NSMCE2: variants seen among roughly 807,000 people sequenced by gnomAD.
NSMCE2 encodes the protein E3 SUMO-protein ligase NSE2.
Under a neutral mutation model 23.8 loss-of-function variants are expected in NSMCE2, and 24 were observed. That is an observed-to-expected ratio of 1.01 (90% CI 0.73 to 1.42). NSMCE2 has a LOEUF of 1.42. NSMCE2 is among the 40% of genes most tolerant of loss of function. The probability of loss-of-function intolerance (pLI) is 0.00; values close to 1 mark genes in which losing one functional copy is unlikely to be tolerated. For missense variants in NSMCE2, 284 were observed against 296.5 expected, an observed-to-expected ratio of 0.96 and a Z score of 0.31; for synonymous variants, 92 against 94.1, an observed-to-expected ratio of 0.98 and a Z score of 0.13.
chr8:125,125,116 C>T (rs1161054818), intron 3 of NSMCE2, among the ~76,000 whole-genome samples: 16 of 152,098 alleles, frequency 1.1e-4, no homozygotes, highest in Admixed American at 1.0e-3. Flanking sequence ...ATCATGTCAT[C>T]TGTGAATGGA....
intron 3 of NSMCE2, among the ~76,000 whole-genome samples, chr8:125,131,561 C>A (rs1009535117): frequency 6.6e-6 from 1 of 152,006 alleles, no homozygotes; most frequent in African/African-American, 2.4e-5. Flanking sequence ...CTTGCCCAGC[C>A]AACAGGTGCA....
intron 5 of NSMCE2, among the ~76,000 whole-genome samples, chr8:125,309,681 C>T (rs983049702): frequency 3.9e-5 from 6 of 151,968 alleles, no homozygotes; most frequent in South Asian, 4.2e-4. Flanking sequence ...GCTATGATCA[C>T]GCCAGTGCAC....
At chr8:125,116,571 C>T (rs558386153) in intron 3 of NSMCE2, among the ~76,000 whole-genome samples, 7 of 151,938 alleles carry the variant, frequency 4.6e-5, no homozygotes, top group African/African-American at 1.2e-4. Flanking sequence ...TCTGTGTGTG[C>T]GTGTGTGTGT....
intron 5 of NSMCE2, among the ~76,000 whole-genome samples, chr8:125,251,533 A>G (rs1455941433): frequency 1.3e-5 from 2 of 152,204 alleles, no homozygotes; most frequent in African/African-American, 2.4e-5. Context: ...ATGGGTAGAC[A>G]TGGAGTTTGA....
At chr8:125,312,090 A>AAAG (rs1554636334) in intron 5 of NSMCE2, among the ~76,000 whole-genome samples, 13 of 148,846 alleles carry the variant, frequency 8.7e-5, no homozygotes, top group Non-Finnish European at 1.8e-4. Context: ...AAAAAAAAAA[A>AAAG]AAAGAAAGAA....
chr8:125,359,522 G>A (rs1813436989), intron 7 of NSMCE2, among the ~76,000 whole-genome samples: 1 of 151,754 alleles, frequency 6.6e-6, no homozygotes, highest in African/African-American at 2.4e-5. Flanking sequence ...TAGTAGAGAT[G>A]GGGTTTCTCC....
At chr8:125,131,616 A>G (rs183984827) in intron 3 of NSMCE2, among the ~76,000 whole-genome samples, 7 of 152,242 alleles carry the variant, frequency 4.6e-5, no homozygotes, top group African/African-American at 1.4e-4. Context: ...GAAAAAAAAA[A>G]TGCTTGGAGA....
intron 7 of NSMCE2, among the ~76,000 whole-genome samples, chr8:125,366,165 C>G (rs1813782480): frequency 6.6e-6 from 1 of 152,162 alleles, no homozygotes; most frequent in Non-Finnish European, 1.5e-5. Flanking sequence ...TGCTTTGTTG[C>G]CCTCATAGCC....
At chr8:125,301,042 CTA>C (rs1055600791) in intron 5 of NSMCE2, among the ~76,000 whole-genome samples, 1 of 152,216 alleles carries the variant, frequency 6.6e-6, no homozygotes, top group Admixed American at 6.5e-5. Flanking sequence ...CAATCATTAA[CTA>C]TTTTTGTGAA....
chr8:125,256,958 AAG>A (rs1826457098), intron 5 of NSMCE2, among the ~76,000 whole-genome samples: 1 of 128,232 alleles, frequency 7.8e-6, no homozygotes, highest in African/African-American at 3.1e-5. Context: ...AAAAAAAAAA[AAG>A]AGGGCTGAAG....
chr8:125,255,962 T>C (rs1224998991), intron 5 of NSMCE2, among the ~76,000 whole-genome samples: 1 of 151,940 alleles, frequency 6.6e-6, no homozygotes, highest in Non-Finnish European at 1.5e-5. Flanking sequence ...AATAGGTGGT[T>C]TTAAAAAGAA....
intron 3 of NSMCE2, among the ~76,000 whole-genome samples, chr8:125,133,716 C>T (rs1251140296): frequency 1.3e-5 from 2 of 151,224 alleles, no homozygotes; most frequent in African/African-American, 2.4e-5. Context: ...GGCAACAGAG[C>T]GAGACTCCAT....
At chr8:125,161,449 C>T (rs1821622784) in intron 4 of NSMCE2, among the ~76,000 whole-genome samples, 1 of 151,926 alleles carries the variant, frequency 6.6e-6, no homozygotes, top group Admixed American at 6.6e-5. Context: ...ATCATTTAGT[C>T]ATCTTCTTGT....
intron 5 of NSMCE2, among the ~76,000 whole-genome samples, chr8:125,349,642 C>T (rs1041899133): frequency 2.0e-5 from 3 of 151,182 alleles, no homozygotes; most frequent in Admixed American, 2.0e-4. Flanking sequence ...TGAAAAAGTA[C>T]ATAGCAATCA....
At chr8:125,304,338 A>T (rs1185017414) in intron 5 of NSMCE2, among the ~76,000 whole-genome samples, 1 of 152,196 alleles carries the variant, frequency 6.6e-6, no homozygotes, top group African/African-American at 2.4e-5. Context: ...GAAGATGTGT[A>T]CTTTACCTAT....
At chr8:125,191,511 G>T (rs1325310775) in intron 5 of NSMCE2, among the ~76,000 whole-genome samples, 8 of 152,156 alleles carry the variant, frequency 5.3e-5, no homozygotes, top group Non-Finnish European at 1.0e-4. Context: ...GACGCTGGAG[G>T]AATCTGCTTC....
intron 5 of NSMCE2, among the ~76,000 whole-genome samples, chr8:125,243,107 GAA>G (rs1228439268): frequency 6.6e-6 from 1 of 152,166 alleles, no homozygotes; most frequent in East Asian, 1.9e-4. Context: ...GAGATAGAGT[GAA>G]AAAGACATTG....
intron 5 of NSMCE2, among the ~76,000 whole-genome samples, chr8:125,281,755 T>C (rs1046492091): frequency 2.6e-5 from 4 of 152,040 alleles, no homozygotes; most frequent in African/African-American, 9.6e-5. Flanking sequence ...CTTTTTTTTT[T>C]TTTTTAAGGA....
At chr8:125,279,947 G>C (rs1000044688) in intron 5 of NSMCE2, among the ~76,000 whole-genome samples, 6 of 152,180 alleles carry the variant, frequency 3.9e-5, no homozygotes, top group African/African-American at 1.4e-4. Flanking sequence ...GTAAGAAATA[G>C]TGTGAACCAC....
Sources: gnomAD v4.1 joint callset for allele counts (sites outside exome capture counted in the v4.1 genomes callset) on GRCh38, gnomAD v4.1.1 for gene constraint, MANE v1.5 for transcripts, NCBI Gene and HGNC (gene_info 2026-07-23, HGNC 2026-07-21) for gene names.